The following GNAO1 variants were observed in gnomAD, a reference collection of about 807,000 sequenced individuals.
The protein encoded by GNAO1 is G protein subunit alpha o1.
For synonymous variants in GNAO1, 164 were observed against 180.7 expected (o/e 0.91, Z 0.74); for missense variants, 166 against 478.7 (o/e 0.35, Z 6.10).
chr16:56,203,451 A>G (rs192827188), intron 2 of GNAO1, among the ~76,000 whole-genome samples: 39 of 152,232 alleles, frequency 2.6e-4, no homozygotes, highest in Non-Finnish European at 5.0e-4. Flanking sequence ...GAATGATGAA[A>G]GCTTGAGCTA....
intron 2 of GNAO1, among the ~76,000 whole-genome samples, chr16:56,240,075 T>C (rs1485824712): frequency 6.6e-6 from 1 of 152,146 alleles, no homozygotes; most frequent in Non-Finnish European, 1.5e-5. Context: ...AGCAGGAGGC[T>C]TCACATAACA....
intron 2 of GNAO1, among the ~76,000 whole-genome samples, chr16:56,266,238 A>C (rs2036952257): frequency 6.6e-6 from 1 of 152,154 alleles, no homozygotes; most frequent in Non-Finnish European, 1.5e-5. Flanking sequence ...GGTACATAGC[A>C]GTCAGTTCTG....
At chr16:56,281,683 C>A (rs9889077) in intron 3 of GNAO1, among the ~76,000 whole-genome samples, 1 of 152,116 alleles carries the variant, frequency 6.6e-6, no homozygotes, top group Non-Finnish European at 1.5e-5. Flanking sequence ...AAGCTCTCCC[C>A]CTCCTCCTTC....
chr16:56,261,090 G>A (rs1172997770), intron 2 of GNAO1, among the ~76,000 whole-genome samples: 1 of 152,232 alleles, frequency 6.6e-6, no homozygotes, highest in East Asian at 1.9e-4. Context: ...CGTGGCAACT[G>A]ACCACTGCCG....
intron 3 of GNAO1, among the ~76,000 whole-genome samples, chr16:56,300,028 TGTGTGTGTGCGC>T (rs1337390264): frequency 9.0e-5 from 12 of 133,076 alleles, no homozygotes; most frequent in African/African-American, 3.7e-4. Context: ...TGTGTGTGTG[TGTGTGTGTGCGC>T]GCGCGCGCGC....
intron 4 of GNAO1, among the ~76,000 whole-genome samples, chr16:56,334,100 G>A (rs1319614931): frequency 3.9e-5 from 6 of 152,346 alleles, no homozygotes; most frequent in East Asian, 1.9e-4. Flanking sequence ...TCCAAAGACC[G>A]GGTCCCAGGG....
intron 2 of GNAO1, among the ~76,000 whole-genome samples, chr16:56,208,379 C>T (rs1387940952): frequency 2.6e-5 from 4 of 151,574 alleles, no homozygotes; most frequent in Non-Finnish European, 5.9e-5. Flanking sequence ...GGCATTTTAT[C>T]ATTTTGAGTT....
intron 3 of GNAO1, among the ~76,000 whole-genome samples, chr16:56,285,332 G>A (rs1256583061): frequency 1.2e-4 from 18 of 149,012 alleles, no homozygotes; most frequent in Middle Eastern, 3.6e-3. Flanking sequence ...AATATTCCTC[G>A]GCATCAGGAC....
At chr16:56,226,276 G>A (rs2036532201) in intron 2 of GNAO1, 1 of 152,220 alleles carries the variant, frequency 6.6e-6, no homozygotes, top group Admixed American at 6.5e-5. Context: ...TAGAGTTAGA[G>A]TCAATAGGGC....
intron 2 of GNAO1, among the ~76,000 whole-genome samples, chr16:56,227,752 C>T (rs1290918573): frequency 6.8e-6 from 1 of 147,246 alleles, no homozygotes; most frequent in Non-Finnish European, 1.5e-5. Context: ...CTAAAGCAAT[C>T]CCACCTCTTT....
At chr16:56,253,527 A>T (rs1461132328) in intron 2 of GNAO1, among the ~76,000 whole-genome samples, 1 of 152,224 alleles carries the variant, frequency 6.6e-6, no homozygotes, top group Non-Finnish European at 1.5e-5. Flanking sequence ...GGTGTGTTTG[A>T]GTGAAAGATG....
At chr16:56,329,615 A>G (rs1479845539) in intron 4 of GNAO1, among the ~76,000 whole-genome samples, 3 of 152,200 alleles carry the variant, frequency 2.0e-5, no homozygotes, top group Non-Finnish European at 2.9e-5. Flanking sequence ...TCATGGAGAT[A>G]CTGGGATTGC....
At chr16:56,199,478 T>G (rs1469456009) in intron 2 of GNAO1, among the ~76,000 whole-genome samples, 1 of 152,178 alleles carries the variant, frequency 6.6e-6, no homozygotes, top group African/African-American at 2.4e-5. Flanking sequence ...TCACCAGAAA[T>G]GGCTGCATAT....
At chr16:56,289,035 G>A (rs113556336) in intron 3 of GNAO1, among the ~76,000 whole-genome samples, 27 of 151,906 alleles carry the variant, frequency 1.8e-4, no homozygotes, top group African/African-American at 3.6e-4. Flanking sequence ...TCCAAAAAAG[G>A]GGGGGGGAGC....
At chr16:56,258,165 A>G (rs1206748386) in intron 2 of GNAO1, among the ~76,000 whole-genome samples, 9 of 152,170 alleles carry the variant, frequency 5.9e-5, no homozygotes. Flanking sequence ...TCTGATTCTT[A>G]TACTTCCCAC....
intron 6 of GNAO1, among the ~76,000 whole-genome samples, chr16:56,343,487 C>CAAAA (rs5817055): frequency 2.6e-4 from 35 of 134,306 alleles, no homozygotes; most frequent in South Asian, 1.0e-3. Flanking sequence ...GACCCTATCT[C>CAAAA]AAAAAAAAAA....
intron 6 of GNAO1, among the ~76,000 whole-genome samples, chr16:56,341,780 A>G (rs2037806711): frequency 6.6e-6 from 1 of 152,188 alleles, no homozygotes; most frequent in Non-Finnish European, 1.5e-5. Flanking sequence ...CAGTGACACC[A>G]GAGCGGTTAC....
intron 3 of GNAO1, among the ~76,000 whole-genome samples, chr16:56,286,671 A>G (rs1364818576): frequency 7.0e-6 from 1 of 142,922 alleles, no homozygotes; most frequent in Non-Finnish European, 1.6e-5. Flanking sequence ...TCTCTCTCTC[A>G]GTCTCTTTCT....
chr16:56,192,648 T>C lies in GNAO1; in HGVS notation c.161+32T>C, dbSNP rs377726041. 17 of 1,372,308 alleles carry C rather than the reference T, an allele frequency of 1.2e-5. No homozygotes were observed. The African/African-American group carries it at 1.9e-4, about 15-fold the overall frequency. The allele number at this position is 1,372,308 out of a possible 1,614,324, so 85.0% of individuals were successfully genotyped here. On this transcript the variant is annotated intron_variant, in intron 2 of 8. Coordinates refer to ENST00000262493, the MANE Select transcript of GNAO1 (RefSeq NM_020988.3). The stretch of plus-strand genomic sequence containing the variant: ...CCCTGTGGCATTGGGATTCGTACTT[T>C]TATTAAGAATAATTTTTAAATCGTT...
Sources: allele counts gnomAD v4.1 joint callset (sites outside exome capture counted in the v4.1 genomes callset), GRCh38; gene constraint gnomAD v4.1.1; transcripts MANE v1.5; gene names NCBI Gene and HGNC (gene_info 2026-07-23, HGNC 2026-07-21).